PALS2: variants seen among roughly 807,000 people sequenced by gnomAD.
PALS2 encodes protein associated with LIN7 2, MAGUK p55 family member, also known as protein PALS2.
In PALS2, 27 loss-of-function variants were observed where a neutral mutation model predicts 61.6. The ratio of observed to expected loss-of-function variants is 0.44; its 90% CI spans 0.32 to 0.60. PALS2 has a LOEUF of 0.60. Among genes scored for constraint, PALS2 ranks in the 20% least tolerant of loss-of-function variants. The pLI is 0.05. For missense variants in PALS2, 554 were observed against 639.4 expected, an observed-to-expected ratio of 0.87 and a Z score of 1.44; for synonymous variants, 236 against 218.6, an observed-to-expected ratio of 1.08 and a Z score of -0.70.
chr7:24,573,803 C>G lies in PALS2; in HGVS notation c.-3+210C>G, dbSNP rs1203839224. On this transcript the variant is annotated intron_variant, in intron 1 of 11. Transcript: ENST00000222644. This position sits in a 1 kb window ranked among gnomAD's most constrained non-coding sequence, Gnocchi z 5.3. ...GGTCGGGGAGGCTGCTGGCCGCCCC[C>G]AGCCCGGCCCGCGCGGAAGGGGCGC... 6.7e-6 allele frequency among the ~76,000 whole-genome samples: 1 copy of G among 148,458 alleles called. No homozygotes were observed. Among genetic ancestry groups the G allele is most frequent in the Non-Finnish European group, 1.5e-5 (1 of 66,626 alleles).
intron 5 of PALS2, among the ~76,000 whole-genome samples, chr7:24,654,767 A>G (rs1450245114): frequency 6.6e-6 from 1 of 152,200 alleles, no homozygotes; most frequent in African/African-American, 2.4e-5. Flanking sequence ...TCAGAAAAGC[A>G]GGAATGGGGT....
chr7:24,654,877 A>G (rs1786336055), intron 5 of PALS2, among the ~76,000 whole-genome samples: 1 of 152,192 alleles, frequency 6.6e-6, no homozygotes, highest in African/African-American at 2.4e-5. Flanking sequence ...AGACCTACAC[A>G]TACATATTAC....
At chr7:24,584,917 G>T (rs535327737) in intron 1 of PALS2, among the ~76,000 whole-genome samples, 3 of 151,976 alleles carry the variant, frequency 2.0e-5, no homozygotes, top group Admixed American at 2.0e-4. Context: ...TATTAAATAG[G>T]GAATCCTTTC....
intron 1 of PALS2, among the ~76,000 whole-genome samples, chr7:24,581,244 C>CGT (rs55768123): frequency 0.015 from 2,186 of 143,086 alleles, 31 homozygotes; most frequent in South Asian, 0.033. Flanking sequence ...CATTTCCCCA[C>CGT]GTGTGTGTGT....
intron 10 of PALS2, among the ~76,000 whole-genome samples, chr7:24,679,831 A>G (rs1584004343): frequency 6.6e-6 from 1 of 152,096 alleles, no homozygotes; most frequent in South Asian, 2.1e-4. Context: ...ATAGTTTCTT[A>G]TGTCTCTTTC....
At chr7:24,611,809 C>G (rs796611713) in intron 1 of PALS2, among the ~76,000 whole-genome samples, 8 of 151,894 alleles carry the variant, frequency 5.3e-5, no homozygotes, top group African/African-American at 1.9e-4. Context: ...TGGGGTAATA[C>G]TGGTATGTTT....
chr7:24,607,491 CATG>C (rs1783945130), intron 1 of PALS2, among the ~76,000 whole-genome samples: 2 of 151,176 alleles, frequency 1.3e-5, no homozygotes. Flanking sequence ...TGAACACACA[CATG>C]ATATATATGT....
In PALS2 at chr7:24,634,477, G is replaced by A. The variant is rs558337935; in HGVS notation, c.118-7239G>A. ...GATCTCCTGACCTCGTGATCCATCC[G>A]CCTCGGCCTCCTAAAGTGCTGGGAT... is the stretch of plus-strand genomic sequence containing the variant. On this transcript the variant is annotated intron_variant, in intron 2 of 11. Transcript: ENST00000222644. Among the ~76,000 whole-genome samples, 15 of 152,196 alleles carry A rather than the reference G, an allele frequency of 9.9e-5. 1 individual carries two copies. Among genetic ancestry groups the A allele is most frequent in the East Asian group, 3.9e-4 (2 of 5,180 alleles).
intron 2 of PALS2, among the ~76,000 whole-genome samples, chr7:24,640,785 G>C (rs993275795): frequency 6.6e-6 from 1 of 151,948 alleles, no homozygotes; most frequent in African/African-American, 2.4e-5. Context: ...GAGGCGGGTG[G>C]ATCACGAGGT....
intron 1 of PALS2, among the ~76,000 whole-genome samples, chr7:24,617,967 C>CT (rs749717922): frequency 2.6e-5 from 4 of 152,200 alleles, no homozygotes; most frequent in Non-Finnish European, 4.4e-5. Flanking sequence ...ACCTACTAGT[C>CT]TGTTTTTTAG....
At chr7:24,621,492 A>G (rs1784517149) in intron 1 of PALS2, among the ~76,000 whole-genome samples, 2 of 152,126 alleles carry the variant, frequency 1.3e-5, no homozygotes, top group South Asian at 4.1e-4. Context: ...GTCTGAAGAT[A>G]GGGAAAGTAA....
intron 9 of PALS2, among the ~76,000 whole-genome samples, chr7:24,676,488 C>T (rs1432561945): frequency 1.3e-5 from 2 of 152,014 alleles, no homozygotes; most frequent in Non-Finnish European, 2.9e-5. Context: ...AGGTTTTCTT[C>T]TAGGGTTTTT....
chr7:24,588,097 C>T (rs1055657964), intron 1 of PALS2, among the ~76,000 whole-genome samples: 11 of 152,162 alleles, frequency 7.2e-5, no homozygotes, highest in Admixed American at 7.2e-4. Context: ...ACAGACCCCA[C>T]AACAAAGAAT....
rs1451215733 is a variant in PALS2, at chr7:24,663,836, A to T, written c.783+115A>T. The T allele has an allele frequency of 3.1e-6, 4 of 1,277,872 alleles. No homozygotes were observed. In the East Asian group the frequency reaches 7.2e-5, roughly 23 times the overall value. The allele number at this position is 1,277,872 out of a possible 1,614,324, so 79.2% of individuals were successfully genotyped here. On this transcript the variant is annotated intron_variant, in intron 6 of 11. Transcript: ENST00000222644. ...CATTTGTTACAATGATTTTTCCCAC[A>T]TGAACAGCTCCTGCTTCGTGGCTAC... is the stretch of plus-strand genomic sequence containing the variant.
chr7:24,594,967 A>G (rs925264319), intron 1 of PALS2, among the ~76,000 whole-genome samples: 3 of 152,150 alleles, frequency 2.0e-5, no homozygotes, highest in African/African-American at 7.2e-5. Flanking sequence ...GACTTGATCA[A>G]TGTGGGGTTG....
intron 2 of PALS2, among the ~76,000 whole-genome samples, chr7:24,628,705 C>A (rs1018832964): frequency 6.6e-6 from 1 of 152,022 alleles, no homozygotes; most frequent in African/African-American, 2.4e-5. Flanking sequence ...CAATAATAGA[C>A]AAAAAGAGAG....
At chr7:24,622,215 T>C (rs2128056814) in intron 1 of PALS2, among the ~76,000 whole-genome samples, 1 of 152,162 alleles carries the variant, frequency 6.6e-6, no homozygotes, top group South Asian at 2.1e-4. Context: ...GAAAAGGCAG[T>C]TCAGATTTTG....
At chr7:24,660,840 A>G (rs1786681095) in intron 5 of PALS2, among the ~76,000 whole-genome samples, 1 of 152,238 alleles carries the variant, frequency 6.6e-6, no homozygotes, top group Admixed American at 6.5e-5. Context: ...CAAGCCTATT[A>G]GGAAAATGCC....
chr7:24,595,513 TATAATATATATA>T (rs1351267143), intron 1 of PALS2, among the ~76,000 whole-genome samples: 1 of 90,088 alleles, frequency 1.1e-5, no homozygotes, highest in Admixed American at 1.2e-4. Flanking sequence ...ATATATAATA[TATAATATATATA>T]ATATATAATA....
Sources: gnomAD v4.1 joint callset for allele counts (sites outside exome capture counted in the v4.1 genomes callset) on GRCh38, gnomAD v4.1.1 for gene constraint, Gnocchi (gnomAD v3.1) non-coding constraint, MANE v1.5 for transcripts, NCBI Gene and HGNC (gene_info 2026-07-23, HGNC 2026-07-21) for gene names.